SMARCC1: variants seen among roughly 807,000 people sequenced by gnomAD.
The protein encoded by SMARCC1 is SWI/SNF related BAF chromatin remodeling complex subunit C1.
A neutral mutation model predicts 147.4 loss-of-function variants in SMARCC1; 43 were observed. That is an observed-to-expected ratio of 0.29 (90% CI 0.23 to 0.38). SMARCC1 has a LOEUF of 0.38. SMARCC1 is among the 10% of genes least tolerant of loss of function. The pLI, the probability that SMARCC1 is intolerant of heterozygous loss-of-function variation, is 1.00. For missense variants in SMARCC1, 1,119 were observed against 1,381.1 expected (o/e 0.81, Z 3.01); for synonymous variants, 495 against 484.4 (o/e 1.02, Z -0.29).
intron 21 of SMARCC1, among the ~76,000 whole-genome samples, chr3:47,652,677 C>T (rs1257221488): frequency 6.7e-6 from 1 of 148,800 alleles, no homozygotes; most frequent in East Asian, 2.0e-4. Flanking sequence ...AAAAGAAACT[C>T]AAATGGCCAA....
At chr3:47,627,646 G>C (rs1484631195) in intron 24 of SMARCC1, among the ~76,000 whole-genome samples, 2 of 152,058 alleles carry the variant, frequency 1.3e-5, no homozygotes, top group Non-Finnish European at 2.9e-5. Flanking sequence ...CTTTTTGAAT[G>C]GTATTTATAG....
chr3:47,672,583 G>A (rs917610781), intron 18 of SMARCC1, among the ~76,000 whole-genome samples: 2 of 152,092 alleles, frequency 1.3e-5, no homozygotes, highest in African/African-American at 4.8e-5. Flanking sequence ...CAGATTTGGA[G>A]CCCCAAGAAG....
At chr3:47,626,625 G>A (rs1221591148) in intron 24 of SMARCC1, among the ~76,000 whole-genome samples, 1 of 152,094 alleles carries the variant, frequency 6.6e-6, no homozygotes, top group African/African-American at 2.4e-5. Flanking sequence ...ATACTTTCCT[G>A]GGTAATTCTT....
intron 3 of SMARCC1, 49 bp downstream of exon 3, chr3:47,745,859 A>G (rs764880193): frequency 8.6e-7 from 1 of 1,156,828 alleles, no homozygotes; most frequent in East Asian, 2.6e-5. Context: ...ACAGGACTTA[A>G]AAGTAAATAA....
At chr3:47,733,085 G>A (rs1036086869) in intron 5 of SMARCC1, among the ~76,000 whole-genome samples, 7 of 151,872 alleles carry the variant, frequency 4.6e-5, no homozygotes, top group South Asian at 2.1e-4. Context: ...CCAGCTGGGC[G>A]ACAGAGAAAG....
intron 2 of SMARCC1, among the ~76,000 whole-genome samples, chr3:47,772,055 C>A (rs965868773): frequency 2.0e-5 from 3 of 151,346 alleles, no homozygotes; most frequent in Non-Finnish European, 2.9e-5. Flanking sequence ...GGTGACAGAG[C>A]GAGACTCTGT....
At chr3:47,651,889 A>G (rs1196798701) in intron 21 of SMARCC1, among the ~76,000 whole-genome samples, 1 of 152,196 alleles carries the variant, frequency 6.6e-6, no homozygotes, top group Non-Finnish European at 1.5e-5. Flanking sequence ...AATATGATAC[A>G]CTGAGTTTGA....
At chr3:47,715,213 G>A (rs2034141559) in intron 7 of SMARCC1, among the ~76,000 whole-genome samples, 2 of 152,132 alleles carry the variant, frequency 1.3e-5, no homozygotes, top group Middle Eastern at 6.8e-3. Context: ...TTTTATATCA[G>A]CACTCTCCCA....
intron 18 of SMARCC1, among the ~76,000 whole-genome samples, chr3:47,671,412 T>C (rs1229217999): frequency 6.6e-6 from 1 of 152,166 alleles, no homozygotes; most frequent in Non-Finnish European, 1.5e-5. Flanking sequence ...CTTCCACGAT[T>C]CAAGGATCAG....
intron 5 of SMARCC1, among the ~76,000 whole-genome samples, chr3:47,730,171 C>G (rs555281561): frequency 1.3e-5 from 2 of 151,336 alleles, no homozygotes; most frequent in African/African-American, 4.8e-5. Flanking sequence ...GACTCCGTCT[C>G]AAAAAAATAA....
intron 15 of SMARCC1, 124 bp downstream of exon 15, chr3:47,680,313 A>G (rs2033627476): frequency 1.4e-6 from 1 of 731,424 alleles, no homozygotes; most frequent in Non-Finnish European, 2.4e-6. Context: ...TGAGATATGA[A>G]CACTGTTCTG....
intron 25 of SMARCC1, among the ~76,000 whole-genome samples, chr3:47,611,979 A>G (rs1315137797): frequency 1.3e-5 from 2 of 152,152 alleles, no homozygotes; most frequent in Non-Finnish European, 2.9e-5. Context: ...ATTTTGAGAG[A>G]GGTTGAGGGT....
intron 9 of SMARCC1, 110 bp downstream of exon 9, chr3:47,710,573 A>T (rs1442797394): frequency 1.9e-6 from 2 of 1,053,338 alleles, no homozygotes; most frequent in African/African-American, 3.3e-5. Context: ...CATCAGGCAG[A>T]TGTGAAAGTT....
At chr3:47,722,802 A>G (rs180936959) in intron 6 of SMARCC1, among the ~76,000 whole-genome samples, 1 of 152,186 alleles carries the variant, frequency 6.6e-6, no homozygotes, top group Non-Finnish European at 1.5e-5. Flanking sequence ...TATATATCCC[A>G]AAAGAAGGAA....
At chr3:47,714,205 A>C (rs1368581947) in intron 8 of SMARCC1, among the ~76,000 whole-genome samples, 1 of 152,184 alleles carries the variant, frequency 6.6e-6, no homozygotes, top group Non-Finnish European at 1.5e-5. Context: ...CTCTACTAAA[A>C]ATACAAAAAT....
chr3:47,740,041 T>C (rs1481693701), intron 3 of SMARCC1, among the ~76,000 whole-genome samples: 2 of 151,230 alleles, frequency 1.3e-5, no homozygotes, highest in Non-Finnish European at 2.9e-5. Flanking sequence ...GACACCCAGG[T>C]ATTTAATAAG....
At chr3:47,618,825 A>G (rs751977251) in intron 25 of SMARCC1, among the ~76,000 whole-genome samples, 1 of 152,226 alleles carries the variant, frequency 6.6e-6, no homozygotes, top group African/African-American at 2.4e-5. Context: ...CTGAGGAAAG[A>G]GCTCCTTGCC....
At chr3:47,728,866 G>A (rs555014217) in intron 6 of SMARCC1, among the ~76,000 whole-genome samples, 159 bp downstream of exon 6, 1 of 152,092 alleles carries the variant, frequency 6.6e-6, no homozygotes, top group Non-Finnish European at 1.5e-5. Context: ...AGCTGAGATC[G>A]CGCCACTGCA....
chr3:47,617,455 G>A (rs555189287), intron 25 of SMARCC1, among the ~76,000 whole-genome samples: 6 of 152,234 alleles, frequency 3.9e-5, no homozygotes, highest in Non-Finnish European at 7.3e-5. Flanking sequence ...GCCAACAATG[G>A]CTTATGAATC....
Sources: gnomAD v4.1 joint callset for allele counts (sites outside exome capture counted in the v4.1 genomes callset) on GRCh38, gnomAD v4.1.1 for gene constraint, MANE v1.5 for transcripts, NCBI Gene and HGNC (gene_info 2026-07-23, HGNC 2026-07-21) for gene names.